The following CDH13 variants were observed in gnomAD, a reference collection of about 807,000 sequenced individuals.
The protein encoded by CDH13 is cadherin-13.
Under a neutral mutation model 63.8 loss-of-function variants are expected in CDH13, and 24 were observed. That is an observed-to-expected ratio of 0.38 (90% CI 0.27 to 0.53). The LOEUF (loss-of-function observed/expected upper bound fraction) is 0.53. Among genes scored for constraint, CDH13 ranks in the 20% least tolerant of loss-of-function variants. The pLI is 0.85. For missense variants in CDH13, 1,049 were observed against 903.1 expected (o/e 1.16, Z -2.07); for synonymous variants, 503 against 355.3 (o/e 1.42, Z -4.67).
chr16:83,483,672 G>T (rs139077196), intron 6 of CDH13, among the ~76,000 whole-genome samples: 2 of 152,112 alleles, frequency 1.3e-5, no homozygotes, highest in African/African-American at 4.8e-5. Context: ...GGAATTGATG[G>T]GGTTAAGGCC....
intron 1 of CDH13, among the ~76,000 whole-genome samples, chr16:82,696,000 C>G (rs1189733773): frequency 1.3e-5 from 2 of 152,174 alleles, no homozygotes; most frequent in Non-Finnish European, 2.9e-5. Flanking sequence ...CTAAGCCTTT[C>G]TAATGTTTCT....
intron 1 of CDH13, among the ~76,000 whole-genome samples, chr16:82,757,614 A>ATT (rs1555511727): frequency 9.3e-5 from 14 of 151,286 alleles, no homozygotes; most frequent in South Asian, 4.2e-4. Context: ...TTGCAAATGC[A>ATT]AGCTTTGGTA....
At chr16:83,075,559 G>A (rs1037167060) in intron 3 of CDH13, among the ~76,000 whole-genome samples, 2 of 152,184 alleles carry the variant, frequency 1.3e-5, no homozygotes, top group African/African-American at 4.8e-5. Flanking sequence ...TGCGTACCTT[G>A]TTCCCTTGCT....
intron 10 of CDH13, among the ~76,000 whole-genome samples, chr16:83,720,521 T>C (rs185012960): frequency 6.6e-6 from 1 of 152,194 alleles, no homozygotes; most frequent in East Asian, 1.9e-4. Context: ...GGCAGGAAGA[T>C]TCCTTGAGCG....
intron 3 of CDH13, among the ~76,000 whole-genome samples, chr16:83,104,163 T>C (rs1027242670): frequency 2.0e-5 from 3 of 152,184 alleles, no homozygotes; most frequent in African/African-American, 7.2e-5. Flanking sequence ...TGTTTTACCA[T>C]CCTAACATCA....
chr16:83,150,480 T>C (rs768836273), intron 4 of CDH13, among the ~76,000 whole-genome samples: 9 of 152,120 alleles, frequency 5.9e-5, no homozygotes, highest in Non-Finnish European at 1.2e-4. Flanking sequence ...CACTTCTCTA[T>C]TGACATCATT....
At chr16:83,246,329 CA>C (rs571040442) in intron 5 of CDH13, among the ~76,000 whole-genome samples, 108 of 152,194 alleles carry the variant, frequency 7.1e-4, no homozygotes, top group Admixed American at 2.5e-3. Flanking sequence ...CCCCCTGATT[CA>C]GGGGGGGTCT....
intron 1 of CDH13, among the ~76,000 whole-genome samples, chr16:82,705,953 A>C (rs540693238): frequency 6.6e-6 from 1 of 152,296 alleles, no homozygotes; most frequent in Admixed American, 6.5e-5. Flanking sequence ...GCAGCCTTAT[A>C]TACAGGCTAG....
chr16:82,909,123 C>A (rs1448756171), intron 2 of CDH13, among the ~76,000 whole-genome samples: 1 of 151,960 alleles, frequency 6.6e-6, no homozygotes, highest in African/African-American at 2.4e-5. Context: ...AATAGTTGTA[C>A]TGTATTTTAA....
chr16:82,963,997 C>A (rs979061477), intron 2 of CDH13, among the ~76,000 whole-genome samples: 2 of 152,216 alleles, frequency 1.3e-5, no homozygotes, highest in African/African-American at 2.4e-5. Context: ...CAGGGAACAC[C>A]AGTGCCCGGT....
Position 82,858,346 on chromosome 16 carries a change from G to A in CDH13, c.46-16G>A, listed in dbSNP as rs1394830295. 1.9e-6 allele frequency: 3 copies of A among 1,564,180 alleles called. No homozygotes were observed. The highest frequency in any genetic ancestry group is 1.7e-4 in the Middle Eastern group (1 of 5,976). ...ATAAGCCGCTATTAAAATATTGATG[G>A]CTTTGGTTTTCTCAGGTGCTGCTGC... On this transcript the variant is annotated splice_polypyrimidine_tract_variant and intron_variant, in intron 1 of 13. Coordinates refer to ENST00000567109, the MANE Select transcript of CDH13 (RefSeq NM_001257.5).
intron 6 of CDH13, among the ~76,000 whole-genome samples, chr16:83,462,526 C>G (rs752576262): frequency 1.3e-5 from 2 of 152,292 alleles, no homozygotes; most frequent in South Asian, 2.1e-4. Flanking sequence ...CCAACGCGAG[C>G]AGGAGTTTGA....
intron 2 of CDH13, among the ~76,000 whole-genome samples, chr16:82,887,523 G>A (rs2151215963): frequency 6.6e-6 from 1 of 152,242 alleles, no homozygotes; most frequent in East Asian, 1.9e-4. Context: ...TGACATGTGG[G>A]GAGAGGATTA....
rs551408946 is a variant in CDH13, at chr16:83,566,048, A to G, written c.961-36406A>G. ...CAGGTGTGAGAAGCTTTGCAAGGCTACAGAACTGTGTTCATCCGTCTCTTG... is the reference window on the plus strand; with the variant it reads ...CAGGTGTGAGAAGCTTTGCAAGGCTGCAGAACTGTGTTCATCCGTCTCTTG... On this transcript the variant is annotated intron_variant, in intron 7 of 13. Transcript: ENST00000567109. Among the ~76,000 whole-genome samples, 476 of 152,322 alleles carry G rather than the reference A, an allele frequency of 3.1e-3. 3 individuals are homozygous for G. The highest frequency in any genetic ancestry group is 0.011 in the African/African-American group (454 of 41,580).
chr16:83,204,775 G>A (rs1244047199), intron 4 of CDH13, among the ~76,000 whole-genome samples: 5 of 152,172 alleles, frequency 3.3e-5, no homozygotes, highest in Non-Finnish European at 7.3e-5. Flanking sequence ...AAGGTTAGGT[G>A]GGAACTGTGT....
chr16:83,359,222 G>C (rs79628661), intron 6 of CDH13, among the ~76,000 whole-genome samples: 3 of 152,154 alleles, frequency 2.0e-5, no homozygotes, highest in African/African-American at 7.2e-5. Flanking sequence ...CTGGTTTTCA[G>C]CTATGTTTCC....
At chr16:82,689,853 ATCT>A (rs1367339715) in intron 1 of CDH13, among the ~76,000 whole-genome samples, 1 of 151,700 alleles carries the variant, frequency 6.6e-6, no homozygotes, top group African/African-American at 2.4e-5. Flanking sequence ...CCTGATTAAG[ATCT>A]TCTCATAGCT....
intron 4 of CDH13, among the ~76,000 whole-genome samples, chr16:83,127,736 C>A (rs4783329): frequency 0.76 from 116,150 of 151,984 alleles, 46,326 homozygotes; most frequent in Non-Finnish European, 0.88. Context: ...CAAACAAACA[C>A]ACAAACAAAA....
intron 2 of CDH13, among the ~76,000 whole-genome samples, chr16:82,881,409 A>G (rs572602699): frequency 6.6e-6 from 1 of 152,282 alleles, no homozygotes; most frequent in East Asian, 1.9e-4. Flanking sequence ...TCAATATCAC[A>G]GGGACTCTGA....
Sources: allele counts gnomAD v4.1 joint callset (sites outside exome capture counted in the v4.1 genomes callset), GRCh38; gene constraint gnomAD v4.1.1; transcripts MANE v1.5; gene names NCBI Gene and HGNC (gene_info 2026-07-23, HGNC 2026-07-21).